LINGO1: variants seen among roughly 807,000 people sequenced by gnomAD.
LINGO1 encodes leucine-rich repeat and immunoglobulin-like domain-containing nogo receptor-interacting protein 1.
A neutral mutation model predicts 37.3 loss-of-function variants in LINGO1; 11 were observed. The ratio of observed to expected loss-of-function variants is 0.29; its 90% CI spans 0.19 to 0.49. The LOEUF (loss-of-function observed/expected upper bound fraction) is 0.49, where lower values mean the gene tolerates loss of function less well. Ranked by LOEUF, LINGO1 falls within the 20% of genes least tolerant of loss-of-function variation. The probability of loss-of-function intolerance (pLI) is 0.99; values close to 1 mark genes in which losing one functional copy is unlikely to be tolerated. For synonymous variants in LINGO1, 387 were observed against 403.0 expected, an observed-to-expected ratio of 0.96 and a Z score of 0.48; for missense variants, 585 against 878.2, an observed-to-expected ratio of 0.67 and a Z score of 4.22.
intron 3 of LINGO1, among the ~76,000 whole-genome samples, chr15:77,647,532 AG>A (rs2074660787): frequency 6.6e-6 from 1 of 152,162 alleles, no homozygotes; most frequent in South Asian, 2.1e-4. Flanking sequence ...GTGAGTGTAG[AG>A]GGTGGACAAA....
chr15:77,704,722 C>T lies in LINGO1; in HGVS notation c.-194-13821G>A, dbSNP rs148348621. ...CGGACCCTGGTCATACCCTGAGCCC[C>T]GACCCTGGTCACACACTCTAACCCT... On this transcript the variant is annotated intron_variant, in intron 2 of 3. Coordinates refer to the LINGO1 transcript ENST00000561686. Among the ~76,000 whole-genome samples, 909 of 152,054 alleles carry T rather than the reference C, an allele frequency of 6.0e-3. 16 individuals are homozygous for T. Among genetic ancestry groups the T allele is most frequent in the African/African-American group, 0.021 (871 of 41,460 alleles).
At chr15:77,680,113 C>T (rs1024286460) in intron 2 of LINGO1, among the ~76,000 whole-genome samples, 2 of 152,198 alleles carry the variant, frequency 1.3e-5, no homozygotes, top group African/African-American at 4.8e-5. Flanking sequence ...CGTGCGTGAC[C>T]TCATCATTGT....
intron 1 of LINGO1, among the ~76,000 whole-genome samples, chr15:77,813,766 T>A (rs2077026023): frequency 6.6e-6 from 1 of 152,200 alleles, no homozygotes; most frequent in African/African-American, 2.4e-5. Context: ...AATAGCCTTG[T>A]AAGGCAGGCA....
intron 3 of LINGO1, chr15:77,646,633 C>T (rs1397683549): frequency 6.7e-6 from 2 of 296,508 alleles, no homozygotes; most frequent in South Asian, 2.9e-5. Context: ...CATAAAACCA[C>T]CTTTTCCCCT....
chr15:77,765,776 C>T (rs181649792), intron 1 of LINGO1, among the ~76,000 whole-genome samples: 11 of 152,324 alleles, frequency 7.2e-5, no homozygotes, highest in Admixed American at 5.9e-4. Flanking sequence ...CTCCCACTCG[C>T]TCCAGAAGAA....
chr15:77,652,043 C>T (rs892447794), intron 3 of LINGO1: 1 of 152,186 alleles, frequency 6.6e-6, no homozygotes, highest in African/African-American at 2.4e-5. Context: ...CTGTTCCATC[C>T]ACTCTCTGAG....
In LINGO1 at chr15:77,711,898, G is replaced by A. The variant is rs564056798; in HGVS notation, c.-194-20997C>T. On this transcript the variant is annotated intron_variant, in intron 2 of 3. Transcript: ENST00000561686. Reference sequence around the variant, plus strand: ...CTCTCCTCTGAGGGGGGGGCACACAGCGACATTCTGCAGATGATTTCTGCT... The same window carrying A: ...CTCTCCTCTGAGGGGGGGGCACACAACGACATTCTGCAGATGATTTCTGCT... Among the ~76,000 whole-genome samples the A allele has an allele frequency of 3.9e-5, 6 of 152,126 alleles. No individual in the cohort carries two copies. The East Asian group carries it at 7.8e-4, about 20-fold the overall frequency.
intron 3 of LINGO1, among the ~76,000 whole-genome samples, chr15:77,667,264 C>G (rs571199499): frequency 6.6e-6 from 1 of 152,174 alleles, no homozygotes; most frequent in Non-Finnish European, 1.5e-5. Context: ...AGGAGCAGAG[C>G]ATAGGGCTGA....
upstream of LINGO1, among the ~76,000 whole-genome samples, chr15:77,634,879 C>G (rs1463840699): frequency 2.0e-5 from 3 of 152,218 alleles, no homozygotes; most frequent in Non-Finnish European, 4.4e-5. Flanking sequence ...CTCCGCCAGG[C>G]ACCCGGCGGG....
At chr15:77,810,319 C>T (rs1270594039) in intron 1 of LINGO1, among the ~76,000 whole-genome samples, 1 of 151,422 alleles carries the variant, frequency 6.6e-6, no homozygotes, top group Non-Finnish European at 1.5e-5. Flanking sequence ...CTCACACACA[C>T]ACATACACAT....
chr15:77,751,866 G>A (rs2076375332), intron 1 of LINGO1, among the ~76,000 whole-genome samples: 1 of 152,202 alleles, frequency 6.6e-6, no homozygotes, highest in Non-Finnish European at 1.5e-5. Flanking sequence ...GTAAGGCTGT[G>A]ATCCTAAGTA....
intron 1 of LINGO1, among the ~76,000 whole-genome samples, chr15:77,617,021 T>C (rs907394): frequency 0.046 from 7,018 of 152,124 alleles, 536 homozygotes; most frequent in African/African-American, 0.16. Context: ...CAGGCCAGGA[T>C]AGCCAGGCAA....
chr15:77,803,121 G>A (rs1012929297), intron 1 of LINGO1, among the ~76,000 whole-genome samples: 1 of 152,212 alleles, frequency 6.6e-6, no homozygotes, highest in African/African-American at 2.4e-5. Context: ...GGGCTGGAGT[G>A]AAGCCCCTCT....
intron 2 of LINGO1, among the ~76,000 whole-genome samples, chr15:77,678,583 G>C (rs987116351): frequency 1.3e-4 from 20 of 152,186 alleles, no homozygotes; most frequent in Admixed American, 3.9e-4. Flanking sequence ...CATTTGTGTT[G>C]TTTCCAGTTT....
At chr15:77,622,504 G>A (rs1270508526) in intron 1 of LINGO1, among the ~76,000 whole-genome samples, 1 of 152,200 alleles carries the variant, frequency 6.6e-6, no homozygotes, top group Admixed American at 6.5e-5. Context: ...ACTCAGAAAG[G>A]TGAGGGGACT....
intron 1 of LINGO1, among the ~76,000 whole-genome samples, chr15:77,742,437 G>A (rs1425052257): frequency 6.6e-6 from 1 of 152,192 alleles, no homozygotes; most frequent in Non-Finnish European, 1.5e-5. Flanking sequence ...CACTGAGCTG[G>A]GCACCAGTAT....
upstream of LINGO1, chr15:77,787,243 G>A (rs981884313): frequency 5.9e-5 from 9 of 152,306 alleles, no homozygotes; most frequent in Non-Finnish European, 8.8e-5. Flanking sequence ...CATCCAGAGC[G>A]CACGGTCGGG....
At chr15:77,707,348 G>A (rs1352447483) in intron 2 of LINGO1, 1 of 152,216 alleles carries the variant, frequency 6.6e-6, no homozygotes, top group Non-Finnish European at 1.5e-5. Flanking sequence ...CCTGCTACAT[G>A]CCCAATGATG....
intron 1 of LINGO1, among the ~76,000 whole-genome samples, chr15:77,772,417 A>G (rs1218031573): frequency 6.6e-6 from 1 of 152,140 alleles, no homozygotes; most frequent in Admixed American, 6.5e-5. Flanking sequence ...GGCCTCCAGC[A>G]TCCCCGAGTG....
Sources: gnomAD v4.1 joint callset for allele counts (sites outside exome capture counted in the v4.1 genomes callset) on GRCh38, gnomAD v4.1.1 for gene constraint, MANE v1.5 for transcripts, NCBI Gene and HGNC (gene_info 2026-07-23, HGNC 2026-07-21) for gene names.